Variants in TOM1L2 observed in about 807,000 individuals in gnomAD.
The protein encoded by TOM1L2 is TOM1-like protein 2.
In TOM1L2, 31 loss-of-function variants were observed where a neutral mutation model predicts 67.9. The observed-to-expected ratio is 0.46, with a 90% CI of 0.34 to 0.62. The LOEUF (loss-of-function observed/expected upper bound fraction) is 0.62. TOM1L2 is among the 20% of genes least tolerant of loss of function. The pLI, the probability that TOM1L2 is intolerant of heterozygous loss-of-function variation, is 0.01. For synonymous variants in TOM1L2, 256 were observed against 254.0 expected (o/e 1.01, Z -0.07); for missense variants, 606 against 663.5 (o/e 0.91, Z 0.95).
chr17:17,956,744 C>CCTCA (rs1191071168), intron 1 of TOM1L2, among the ~76,000 whole-genome samples: 5 of 152,218 alleles, frequency 3.3e-5, no homozygotes, highest in Admixed American at 6.5e-5. Context: ...ATGCTAAGCC[C>CCTCA]CTCACTGCCC....
chr17:17,890,939 T>C (rs1234218884), intron 4 of TOM1L2, among the ~76,000 whole-genome samples: 1 of 152,228 alleles, frequency 6.6e-6, no homozygotes, highest in East Asian at 1.9e-4. Flanking sequence ...CACCCACAGC[T>C]GAATGCTGCC....
intron 3 of TOM1L2, among the ~76,000 whole-genome samples, chr17:17,897,914 GAAGTT>G (rs2038653979): frequency 6.6e-6 from 1 of 151,484 alleles, no homozygotes. Flanking sequence ...TCAATAGGTG[GAAGTT>G]AACTTTTTTT....
At chr17:17,865,157 G>C (rs1217657282) in intron 10 of TOM1L2, among the ~76,000 whole-genome samples, 2 of 152,184 alleles carry the variant, frequency 1.3e-5, no homozygotes, top group Non-Finnish European at 2.9e-5. Context: ...GGAAAGTGGT[G>C]AGTTTCTTTT....
chr17:17,847,900 G>A, intron 14 of TOM1L2, 117 bp from the exon 15 acceptor site: 1 of 1,379,632 alleles, frequency 7.2e-7, no homozygotes, highest in South Asian at 1.2e-5. Context: ...GCCCACCTAG[G>A]AGCAGGTGGG....
chr17:17,884,897 A>G (rs1027012543), intron 4 of TOM1L2, 129 bp from the exon 5 acceptor site: 6 of 1,237,880 alleles, frequency 4.8e-6, no homozygotes, highest in Admixed American at 4.2e-5. Flanking sequence ...TGCACTGGCT[A>G]AACCTATTCT....
At position 17,917,383 on chromosome 17, in the gene TOM1L2, G is replaced by A. The variant is rs140457102; in HGVS notation, c.53-9852C>T. 8.6e-5 allele frequency among the ~76,000 whole-genome samples: 13 copies of A among 150,738 alleles called. No homozygotes were observed. The East Asian group carries it at 2.6e-3, about 30-fold the overall frequency. On this transcript the variant is annotated intron_variant, in intron 1 of 14. Transcript: ENST00000379504. ...AAATTAAAGGTTGTTTGGCTATTTG[G>A]GGTCCCTTGAGATTTCATGTGAATT...
intron 4 of TOM1L2, 112 bp from the exon 5 acceptor site, chr17:17,884,880 T>G (rs1208690111): frequency 2.1e-6 from 3 of 1,397,854 alleles, no homozygotes; most frequent in Non-Finnish European, 3.0e-6. Context: ...TACTTGCACA[T>G]GCAAATTGCA....
chr17:17,953,480 G>A (rs975955128), intron 1 of TOM1L2, among the ~76,000 whole-genome samples: 1 of 152,152 alleles, frequency 6.6e-6, no homozygotes, highest in East Asian at 1.9e-4. Context: ...GGAGGACAGA[G>A]AACCACTGTC....
chr17:17,912,306 G>A (rs1355576033), intron 1 of TOM1L2, among the ~76,000 whole-genome samples: 18 of 151,890 alleles, frequency 1.2e-4, no homozygotes, highest in East Asian at 1.2e-3. Context: ...CCTCCCTCCC[G>A]GACGGGGTGG....
intron 1 of TOM1L2, among the ~76,000 whole-genome samples, chr17:17,912,362 G>T (rs557723015): frequency 6.6e-6 from 1 of 151,212 alleles, no homozygotes; most frequent in African/African-American, 2.4e-5. Flanking sequence ...GGTGGCTGCC[G>T]GGCGGAGAGG....
At chr17:17,967,871 G>A (rs186678628) in intron 1 of TOM1L2, among the ~76,000 whole-genome samples, 8 of 152,230 alleles carry the variant, frequency 5.3e-5, no homozygotes, top group South Asian at 4.1e-4. Flanking sequence ...GCCTCCCAAA[G>A]TGCTGGATTA....
intron 12 of TOM1L2, chr17:17,859,208 T>A (rs1380944923): frequency 2.0e-5 from 3 of 152,194 alleles, no homozygotes; most frequent in African/African-American, 7.2e-5. Flanking sequence ...CCTGAGTAGC[T>A]GGGATTACAG....
chr17:17,954,267 C>T (rs1373359755), intron 1 of TOM1L2, among the ~76,000 whole-genome samples: 1 of 151,428 alleles, frequency 6.6e-6, no homozygotes. Context: ...GGAAGAAGCC[C>T]AGTCAGTGAA....
Position 17,845,063 on chromosome 17 carries a change from A to G in TOM1L2, c.*2572T>C, listed in dbSNP as rs1175609012. 6.6e-6 allele frequency: 1 copy of G among 152,398 alleles called. No homozygotes were observed. The highest frequency in any genetic ancestry group is 1.5e-5 in the Non-Finnish European group (1 of 68,072). The allele number at this position is 152,398 out of a possible 1,614,324, so 9.4% of individuals were successfully genotyped here. ...GGTGGGGTCTGGGAGCAGAGATCTC[A>G]GGACAGGCCATCTCGCCAGGGCTAA... On this transcript the variant is annotated 3_prime_UTR_variant, in exon 15 of 15. Transcript: ENST00000379504.
chr17:17,919,866 A>G (rs1157037986), intron 1 of TOM1L2, among the ~76,000 whole-genome samples: 1 of 152,118 alleles, frequency 6.6e-6, no homozygotes, highest in African/African-American at 2.4e-5. Context: ...CCCACGCCCC[A>G]GCCGCCAGGA....
chr17:17,867,632 T>TAATCCGA (rs2036930840), intron 8 of TOM1L2, among the ~76,000 whole-genome samples: 1 of 152,186 alleles, frequency 6.6e-6, no homozygotes, highest in South Asian at 2.1e-4. Flanking sequence ...TGTATCGTAT[T>TAATCCGA]TAAAAACTCC....
At chr17:17,893,893 C>G in intron 3 of TOM1L2, 83 bp from the exon 4 acceptor site, 1 of 1,414,654 alleles carries the variant, frequency 7.1e-7, no homozygotes, top group Non-Finnish European at 9.7e-7. Flanking sequence ...GCTGAGTTTC[C>G]ACCATCCCCT....
chr17:17,888,089 G>A (rs752299702), intron 4 of TOM1L2, among the ~76,000 whole-genome samples: 2 of 152,176 alleles, frequency 1.3e-5, no homozygotes, highest in African/African-American at 2.4e-5. Flanking sequence ...GGTGGGGGAG[G>A]CTGCCCCCTC....
chr17:17,881,919 G>A (rs537624314), intron 6 of TOM1L2, among the ~76,000 whole-genome samples: 1 of 152,274 alleles, frequency 6.6e-6, no homozygotes, highest in African/African-American at 2.4e-5. Context: ...TGACATTGTC[G>A]CAAATAGTAA....
Sources: allele counts gnomAD v4.1 joint callset (sites outside exome capture counted in the v4.1 genomes callset), GRCh38; gene constraint gnomAD v4.1.1; transcripts MANE v1.5; gene names NCBI Gene and HGNC (gene_info 2026-07-23, HGNC 2026-07-21).